The following MUC6 variants were observed in gnomAD, a reference collection of about 807,000 sequenced individuals.
MUC6 encodes mucin-6.
In MUC6, 188 loss-of-function variants were observed where a neutral mutation model predicts 201.5. The ratio of observed to expected loss-of-function variants is 0.93; its 90% confidence interval spans 0.83 to 1.05. The LOEUF (loss-of-function observed/expected upper bound fraction) is 1.05. Ranked by LOEUF, MUC6 falls within the 50% of genes least tolerant of loss-of-function variation. The pLI is 0.00. For synonymous variants in MUC6, 1,228 were observed against 1,389.4 expected, an observed-to-expected ratio of 0.88 and a Z score of 2.58; for missense variants, 2,706 against 3,256.9, an observed-to-expected ratio of 0.83 and a Z score of 4.12.
chr11:1,013,950 A>G lies in MUC6; in HGVS notation c.7091T>C (p.Met2364Thr), dbSNP rs762248659. 1.2e-6 allele frequency: 2 copies of G among 1,609,586 alleles called. No homozygotes were observed. Among genetic ancestry groups the G allele is most frequent in the East Asian group, 2.2e-5 (1 of 44,766 alleles). The part of the protein sequence containing the change: ...QQEEITFKGC[M>T]ANVTVTRCEG... ...ACAGCGGGTTACCGTCACGTTCGCC[A>G]TGCACCCCTTGAACGTGATCTCCTC... The change falls in exon 32 of 33, where the codon ATG (methionine) becomes ACG (threonine). Residue 2364 changes from methionine (M) to threonine (T), a missense_variant. Met to Thr is a moderately conservative substitution (Grantham distance 81, BLOSUM62 -1). This residue lies in a region of MUC6 where 586 missense variants were observed against 488.0 expected (regional missense o/e 1.20). Coordinates refer to ENST00000421673, the MANE Select transcript of MUC6 (RefSeq NM_005961.3).
intron 24 of MUC6, 25 bp from the exon 25 acceptor site, chr11:1,024,128 G>A: frequency 6.2e-7 from 1 of 1,602,232 alleles, no homozygotes; most frequent in Non-Finnish European, 8.5e-7. Context: ...GCCAGTCAGT[G>A]TCTGGCTGCC....
At chr11:1,035,026 G>T (rs1271249914) in intron 1 of MUC6, among the ~76,000 whole-genome samples, 1 of 152,240 alleles carries the variant, frequency 6.6e-6, no homozygotes, top group Non-Finnish European at 1.5e-5. Flanking sequence ...GCCACCCCCG[G>T]CCTCTCAGCC....
intron 4 of MUC6, 105 bp from the exon 5 acceptor site, chr11:1,031,364 C>T (rs554589046): frequency 7.5e-4 from 921 of 1,225,342 alleles, no homozygotes; most frequent in Non-Finnish European, 9.4e-4. Context: ...CACCATCCCC[C>T]CACCTGCTCA....
In MUC6 at chr11:1,023,857, G is replaced by A. The variant is rs567055030; in HGVS notation, c.3382+90C>T. ...CAGCCCGGCGCCTGTCCAGGGAGAG[G>A]GGCCTGTGGGCAAGGGCAGCCCTGC... is the stretch of plus-strand genomic sequence containing the variant. On this transcript the variant is annotated intron_variant, in intron 25 of 32. Transcript: ENST00000421673. 1.1e-5 allele frequency: 16 copies of A among 1,509,194 alleles called. 1 individual carries two copies. In the South Asian group the frequency reaches 2.0e-4, roughly 19 times the overall value. The allele number at this position is 1,509,194 out of a possible 1,614,324, so 93.5% of individuals were successfully genotyped here. A position where few individuals can be genotyped will look rare whatever the true frequency, so the allele number is the denominator to read the frequency against.
intron 24 of MUC6, among the ~76,000 whole-genome samples, chr11:1,024,452 C>T (rs550217209): frequency 2.0e-5 from 3 of 152,344 alleles, no homozygotes; most frequent in African/African-American, 7.2e-5. Context: ...GGGGTGCCCC[C>T]ATCCTCTCAG....
At chr11:1,034,650 G>C (rs1443245770) in intron 1 of MUC6, among the ~76,000 whole-genome samples, 1 of 152,226 alleles carries the variant, frequency 6.6e-6, no homozygotes, top group African/African-American at 2.4e-5. Context: ...AGGCTGCAGA[G>C]CTGTGACCGG....
intron 1 of MUC6, among the ~76,000 whole-genome samples, chr11:1,035,424 C>T (rs925735725): frequency 6.6e-6 from 1 of 152,128 alleles, no homozygotes; most frequent in African/African-American, 2.4e-5. Context: ...GGCTGGGGTC[C>T]CAAGCAGAGG....
At chr11:1,014,109 C>T (rs1343612208) in intron 31 of MUC6, 108 bp from the exon 32 acceptor site, 4 of 912,004 alleles carry the variant, frequency 4.4e-6, no homozygotes, top group Admixed American at 2.2e-5. Context: ...GACTCTCCTG[C>T]CCAAGGTGTG....
In MUC6 at chr11:1,013,299, C is replaced by T; in HGVS notation, c.*157G>A. Reference sequence around the variant, plus strand: ...GAGCCCCTGCTTGGCAGCCCCTCTCCAACCGGTGCCCCAGGGAGCCACGGC... The same window carrying T: ...GAGCCCCTGCTTGGCAGCCCCTCTCTAACCGGTGCCCCAGGGAGCCACGGC... On this transcript the variant is annotated 3_prime_UTR_variant, in exon 33 of 33. Transcript: ENST00000421673. The T allele has an allele frequency of 2.8e-6, 2 of 715,104 alleles. No homozygotes were observed. Among genetic ancestry groups the T allele is most frequent in the Non-Finnish European group, 4.5e-6 (2 of 443,352 alleles). 44.3% of individuals were successfully genotyped at this position (715,104 alleles called of 1,614,324 possible). A position where few individuals can be genotyped will look rare whatever the true frequency, so the allele number is the denominator to read the frequency against.
chr11:1,032,769 GGT>G (rs780268592), intron 2 of MUC6, among the ~76,000 whole-genome samples: 37 of 150,136 alleles, frequency 2.5e-4, no homozygotes, highest in African/African-American at 4.2e-4. Flanking sequence ...TAGAGTGTTG[GGT>G]GTGTGTGTGA....
intron 13 of MUC6, 112 bp from the exon 14 acceptor site, chr11:1,028,499 G>A (rs1448395223): frequency 2.6e-6 from 4 of 1,533,304 alleles, no homozygotes; most frequent in Non-Finnish European, 3.5e-6. Flanking sequence ...GTGAGAGGCT[G>A]CGTGGGCCAC....
chr11:1,023,874 C>A, intron 25 of MUC6, 73 bp downstream of exon 25: 1 of 1,543,942 alleles, frequency 6.5e-7, no homozygotes. Context: ...TGGGCAAGGG[C>A]AGCCCTGCGC....
At chr11:1,015,454 ACT>A (rs1381023815) in intron 31 of MUC6, among the ~76,000 whole-genome samples, 19 of 152,088 alleles carry the variant, frequency 1.2e-4, no homozygotes. Context: ...GGCAGGTAAC[ACT>A]CTGAGGGGAG....
intron 1 of MUC6, among the ~76,000 whole-genome samples, chr11:1,036,329 T>A (rs914290755): frequency 6.6e-6 from 1 of 152,076 alleles, no homozygotes; most frequent in Non-Finnish European, 1.5e-5. Flanking sequence ...CAGCTGAGCG[T>A]CCTCCCCCGC....
intron 22 of MUC6, 27 bp downstream of exon 22, chr11:1,025,778 C>T: frequency 6.3e-7 from 1 of 1,592,990 alleles, no homozygotes; most frequent in Non-Finnish European, 8.6e-7. Flanking sequence ...CCCGTCCTGC[C>T]CTGCCAGAGT....
At chr11:1,032,960 AC>A in intron 2 of MUC6, 52 bp downstream of exon 2, 7 of 1,515,654 alleles carry the variant, frequency 4.6e-6, no homozygotes, top group Non-Finnish European at 6.3e-6. Context: ...TCTCTCCTGC[AC>A]ACCGGGCCTG....
At position 1,027,983 on chromosome 11, in the gene MUC6, G is replaced by A; in HGVS notation, c.1830C>T (p.Asn610=). ...TVFERCHATV[N]PAPFYKRCVY... is the part of the protein sequence containing the mutation. ...CCCTCACCTTGTAGAAGGGTGCAGGGTTCACTGTGGCGTGGCACCTCTCGA... is the reference window on the plus strand; with the variant it reads ...CCCTCACCTTGTAGAAGGGTGCAGGATTCACTGTGGCGTGGCACCTCTCGA... Residue 610 remains asparagine, a synonymous_variant, in exon 15 of 33, where the codon AAC becomes AAT. Coordinates refer to ENST00000421673, the MANE Select transcript of MUC6 (RefSeq NM_005961.3). 2 of 1,580,046 alleles carry A rather than the reference G, an allele frequency of 1.3e-6. No homozygotes were observed. Among genetic ancestry groups the A allele is most frequent in the African/African-American group, 1.3e-5 (1 of 74,166 alleles).
rs1444535153 is a variant in MUC6, at chr11:1,021,119, C to T, written c.3589+96G>A. ...CAGAGCTCACGTAAGGGCTCACAGCCCCCGAGGGCTCTCTCCCTTGTTTGT... is the reference window on the plus strand; with the variant it reads ...CAGAGCTCACGTAAGGGCTCACAGCTCCCGAGGGCTCTCTCCCTTGTTTGT... On this transcript the variant is annotated intron_variant, in intron 27 of 32. Transcript: ENST00000421673. 4.9e-6 allele frequency: 6 copies of T among 1,228,616 alleles called. No individual in the cohort carries two copies. In the African/African-American group the frequency reaches 7.7e-5, roughly 16 times the overall value. 76.1% of individuals were successfully genotyped at this position (1,228,616 alleles called of 1,614,324 possible). A position where few individuals can be genotyped will look rare whatever the true frequency, so the allele number is the denominator to read the frequency against.
intron 1 of MUC6, among the ~76,000 whole-genome samples, chr11:1,035,653 G>A (rs1308277008): frequency 1.3e-5 from 2 of 151,044 alleles, no homozygotes; most frequent in African/African-American, 4.9e-5. Flanking sequence ...AAGGGGTGGG[G>A]TGGGCTTGGG....
Sources: gnomAD v4.1 joint callset for allele counts (sites outside exome capture counted in the v4.1 genomes callset) on GRCh38, gnomAD v4.1.1 for gene constraint, gnomAD v4.1.1 regional missense constraint, MANE v1.5 for transcripts, NCBI Gene and HGNC (gene_info 2026-07-23, HGNC 2026-07-21) for gene names.